The following CNBD1 variants were observed in gnomAD, a reference collection of about 807,000 sequenced individuals.
CNBD1 encodes the protein cyclic nucleotide binding domain containing 1.
A neutral mutation model predicts 54.4 loss-of-function variants in CNBD1; 71 were observed. The observed-to-expected ratio is 1.30, with a 90% confidence interval of 1.08 to 1.59. CNBD1 has a LOEUF of 1.59. Among genes scored for constraint, CNBD1 ranks in the 40% most tolerant of loss-of-function variants. The pLI is 0.00. For synonymous variants in CNBD1, 182 were observed against 170.7 expected (o/e 1.07, Z -0.51); for missense variants, 659 against 518.0 (o/e 1.27, Z -2.64).
intron 8 of CNBD1, among the ~76,000 whole-genome samples, chr8:87,340,221 G>A (rs1314681958): frequency 1.3e-5 from 2 of 152,178 alleles, no homozygotes; most frequent in Non-Finnish European, 2.9e-5. Flanking sequence ...GACCTTCAAT[G>A]TTTCTGCTGA....
intron 4 of CNBD1, among the ~76,000 whole-genome samples, chr8:87,067,210 AAAGTTTAAATATT>A (rs1334833036): frequency 6.6e-6 from 1 of 152,012 alleles, no homozygotes; most frequent in Non-Finnish European, 1.5e-5. Flanking sequence ...ATAGATTAAC[AAAGTTTAAATATT>A]GACAATTTGA....
chr8:87,339,709 TG>T (rs1347431062), intron 8 of CNBD1, among the ~76,000 whole-genome samples: 3 of 152,090 alleles, frequency 2.0e-5, no homozygotes, highest in African/African-American at 7.2e-5. Flanking sequence ...TTGGTTACTG[TG>T]GGGCTTACAT....
intron 4 of CNBD1, among the ~76,000 whole-genome samples, chr8:87,147,458 G>T (rs1812513611): frequency 6.6e-6 from 1 of 151,636 alleles, no homozygotes; most frequent in South Asian, 2.1e-4. Context: ...AGCAAATTTT[G>T]TTAATGTGAT....
downstream of CNBD1, among the ~76,000 whole-genome samples, chr8:87,387,262 C>T (rs999884194): frequency 6.6e-6 from 1 of 152,082 alleles, no homozygotes; most frequent in Non-Finnish European, 1.5e-5. Flanking sequence ...ACAATATTAA[C>T]CTTACATGTA....
intron 4 of CNBD1, among the ~76,000 whole-genome samples, chr8:87,083,139 C>T (rs1811029342): frequency 6.6e-6 from 1 of 152,098 alleles, no homozygotes; most frequent in South Asian, 2.1e-4. Flanking sequence ...CCAGTCTCAC[C>T]CTGGCATAAC....
intron 3 of CNBD1, among the ~76,000 whole-genome samples, chr8:86,936,252 A>G (rs1809544985): frequency 6.6e-6 from 1 of 152,246 alleles, no homozygotes; most frequent in South Asian, 2.1e-4. Context: ...TACGTAATAT[A>G]GCTTATTACT....
At chr8:87,124,970 A>G (rs1811962025) in intron 4 of CNBD1, among the ~76,000 whole-genome samples, 1 of 151,800 alleles carries the variant, frequency 6.6e-6, no homozygotes, top group South Asian at 2.1e-4. Context: ...ATACAATATT[A>G]TTACACAAAA....
chr8:87,347,775 G>T (rs942102717), intron 8 of CNBD1, among the ~76,000 whole-genome samples: 2 of 152,044 alleles, frequency 1.3e-5, no homozygotes, highest in African/African-American at 4.8e-5. Context: ...TACATTGCCT[G>T]CTGAGAAGGG....
intron 4 of CNBD1, among the ~76,000 whole-genome samples, chr8:87,046,340 C>A (rs576463148): frequency 1.3e-5 from 2 of 152,286 alleles, no homozygotes; most frequent in African/African-American, 4.8e-5. Flanking sequence ...CCCCAGTCCT[C>A]TCTCTCAGTT....
chr8:87,145,291 C>A (rs954039837), intron 4 of CNBD1, among the ~76,000 whole-genome samples: 34 of 152,052 alleles, frequency 2.2e-4, no homozygotes, highest in African/African-American at 8.2e-4. Context: ...GATTAATAAT[C>A]TTTCAAATAT....
intron 10 of CNBD1, 120 bp downstream of exon 10, chr8:87,353,906 G>T: frequency 1.5e-6 from 1 of 645,630 alleles, no homozygotes; most frequent in Non-Finnish European, 2.6e-6. Context: ...CACCTGCAAA[G>T]GATGGAGTAT....
intron 8 of CNBD1, among the ~76,000 whole-genome samples, chr8:87,289,367 T>C (rs1406583181): frequency 6.6e-6 from 1 of 152,150 alleles, no homozygotes; most frequent in Non-Finnish European, 1.5e-5. Context: ...GTGTTGCTTA[T>C]AATTTGGGTG....
At chr8:87,099,055 A>C (rs1811375860) in intron 4 of CNBD1, among the ~76,000 whole-genome samples, 1 of 150,184 alleles carries the variant, frequency 6.7e-6, no homozygotes, top group African/African-American at 2.5e-5. Context: ...AAAAAAAAAA[A>C]AAAAACAAAA....
At chr8:87,011,306 C>T (rs1809216947) in intron 4 of CNBD1, among the ~76,000 whole-genome samples, 1 of 151,890 alleles carries the variant, frequency 6.6e-6, no homozygotes, top group African/African-American at 2.4e-5. Context: ...GGCCTCCACC[C>T]TCGTGTAGCT....
At chr8:87,106,525 C>A (rs1434637237) in intron 4 of CNBD1, among the ~76,000 whole-genome samples, 1 of 152,126 alleles carries the variant, frequency 6.6e-6, no homozygotes, top group African/African-American at 2.4e-5. Flanking sequence ...TTCGATGTTT[C>A]TATAGATAAT....
At chr8:87,202,690 G>C (rs1348388071) in intron 4 of CNBD1, among the ~76,000 whole-genome samples, 1 of 152,172 alleles carries the variant, frequency 6.6e-6, no homozygotes, top group Admixed American at 6.5e-5. Flanking sequence ...TTGGGGTGAG[G>C]TCTGGGGCAA....
Position 87,087,078 on chromosome 8 carries a change from TGATTTAAATTACAG to T in CNBD1, c.432-118912_432-118899del, listed in dbSNP as rs1025511703. Among the ~76,000 whole-genome samples the T allele has an allele frequency of 6.6e-5, 10 of 151,496 alleles. 1 individual carries two copies. Among genetic ancestry groups the T allele is most frequent in the African/African-American group, 2.4e-4 (10 of 41,350 alleles). ...AGAGGATGCAGTGTACTTCTTGGAT[TGATTTAAATTACAG>T]GACTCTTTCCTGGAAGTGGCAGTTA... On this transcript the variant is annotated intron_variant, in intron 4 of 10. Coordinates refer to ENST00000518476, the MANE Select transcript of CNBD1 (RefSeq NM_173538.3).
At chr8:87,424,582 G>A (rs189139956) in intron 2 of CNBD1, among the ~76,000 whole-genome samples, 29 of 152,230 alleles carry the variant, frequency 1.9e-4, no homozygotes, top group South Asian at 1.0e-3. Context: ...GTAGTTGCGC[G>A]TTTTTGCTGA....
intron 5 of CNBD1, among the ~76,000 whole-genome samples, chr8:87,211,643 C>A (rs928438011): frequency 2.0e-5 from 3 of 152,140 alleles, no homozygotes; most frequent in Non-Finnish European, 2.9e-5. Flanking sequence ...CCTTCTCTCT[C>A]CATGTGATGC....
Sources: allele counts gnomAD v4.1 joint callset (sites outside exome capture counted in the v4.1 genomes callset), GRCh38; gene constraint gnomAD v4.1.1; transcripts MANE v1.5; gene names NCBI Gene and HGNC (gene_info 2026-07-23, HGNC 2026-07-21).